The following PAM variants were observed in gnomAD, a reference collection of about 807,000 sequenced individuals.
PAM encodes the protein peptidylglycine alpha-amidating monooxygenase.
A neutral mutation model predicts 122.1 loss-of-function variants in PAM; 72 were observed. The ratio of observed to expected loss-of-function variants is 0.59; its 90% CI spans 0.49 to 0.72. The LOEUF is 0.72. PAM is among the 30% of genes least tolerant of loss of function. The probability of loss-of-function intolerance (pLI) is 0.00; values close to 1 mark genes in which losing one functional copy is unlikely to be tolerated. For synonymous variants in PAM, 389 were observed against 404.4 expected (o/e 0.96, Z 0.46); for missense variants, 1,106 against 1,183.7 (o/e 0.93, Z 0.96).
At position 102,949,606 on chromosome 5, in the gene PAM, C is replaced by G; in HGVS notation, c.713C>G (p.Thr238Ser). The G allele has an allele frequency of 7.0e-7, 1 of 1,428,216 alleles. No homozygotes were observed. Among genetic ancestry groups the G allele is most frequent in the Non-Finnish European group, 9.9e-7 (1 of 1,011,140 alleles). 88.5% of individuals were successfully genotyped at this position (1,428,216 alleles called of 1,614,324 possible). A position where few individuals can be genotyped will look rare whatever the true frequency, so the allele number is the denominator to read the frequency against. The change falls in exon 10 of 26, where the codon ACT (threonine) becomes AGT (serine). Residue 238 changes from threonine (T) to serine (S), a missense_variant. By Grantham distance (58) the Thr-to-Ser change is moderately conservative. Around this residue, in one of 3 missense-constraint regions of PAM, gnomAD observed 670 missense variants for 690.3 expected, o/e 0.97. Transcript: ENST00000438793. Reference protein sequence around the residue: ...PMHVFAYRVHTHHLGKVVSGY... With the variant: ...PMHVFAYRVHSHHLGKVVSGY... ...CATGTCTTTGCCTATAGAGTTCACA[C>G]TCACCATTTAGGTAAGAACTTTACA...
At chr5:102,943,099 T>C (rs1177981679) in intron 7 of PAM, among the ~76,000 whole-genome samples, 1 of 152,104 alleles carries the variant, frequency 6.6e-6, no homozygotes, top group Non-Finnish European at 1.5e-5. Flanking sequence ...TCCCAATTAG[T>C]GGGACGTAGT....
chr5:102,887,813 C>A (rs73175408), intron 3 of PAM, among the ~76,000 whole-genome samples: 6,470 of 151,874 alleles, frequency 0.043, 288 homozygotes, highest in East Asian at 0.18. Context: ...TGTCTTCTTG[C>A]TAAGTTTACT....
chr5:102,914,500 G>C (rs540092037), intron 5 of PAM, among the ~76,000 whole-genome samples: 2 of 152,040 alleles, frequency 1.3e-5, no homozygotes, highest in Non-Finnish European at 2.9e-5. Context: ...TGTAAAGAAA[G>C]TCTGAAAATA....
At chr5:102,959,794 A>G in intron 12 of PAM, 81 bp from the exon 13 acceptor site, 1 of 868,408 alleles carries the variant, frequency 1.2e-6, no homozygotes, top group Non-Finnish European at 1.9e-6. Flanking sequence ...TTGCTGGCAG[A>G]TCTAAGGGCT....
intron 1 of PAM, among the ~76,000 whole-genome samples, chr5:102,783,413 C>T (rs988372684): frequency 6.6e-6 from 1 of 152,156 alleles, no homozygotes; most frequent in Non-Finnish European, 1.5e-5. Context: ...GGTTAAAACT[C>T]ATCTGAGTTG....
At chr5:102,921,281 A>G (rs1747367518) in intron 5 of PAM, among the ~76,000 whole-genome samples, 1 of 152,096 alleles carries the variant, frequency 6.6e-6, no homozygotes, top group African/African-American at 2.4e-5. Flanking sequence ...GGCTCTCTTT[A>G]CTAGTAAGAA....
chr5:102,947,467 T>A (rs996780271), intron 8 of PAM, among the ~76,000 whole-genome samples: 3 of 152,144 alleles, frequency 2.0e-5, no homozygotes, highest in Admixed American at 1.3e-4. Context: ...AAGTGGGAAC[T>A]AAGCTGTGAG....
At chr5:102,800,795 C>T (rs171803) in intron 1 of PAM, among the ~76,000 whole-genome samples, 106,821 of 151,882 alleles carry the variant, frequency 0.7, 37,968 homozygotes, top group South Asian at 0.8. Context: ...TACTCTATCA[C>T]CCTGGGCTTA....
chr5:102,969,952 CG>C (rs1765318676), intron 14 of PAM, among the ~76,000 whole-genome samples: 1 of 151,788 alleles, frequency 6.6e-6, no homozygotes, highest in African/African-American at 2.4e-5. Flanking sequence ...ACATGATGGA[CG>C]GTAAAAAGAG....
chr5:102,917,962 A>G (rs1190249168), intron 5 of PAM, among the ~76,000 whole-genome samples: 1 of 152,186 alleles, frequency 6.6e-6, no homozygotes, highest in Admixed American at 6.6e-5. Flanking sequence ...CTCATTCCAA[A>G]TTAGCAGCTC....
rs558106750 is a variant in PAM, at chr5:102,962,382, A to G, written c.1162+1153A>G. Among the ~76,000 whole-genome samples the G allele has an allele frequency of 4.0e-5, 6 of 151,862 alleles. No individual in the cohort carries two copies. The South Asian group carries it at 1.2e-3, about 31-fold the overall frequency. On this transcript the variant is annotated intron_variant, in intron 14 of 25. Coordinates refer to ENST00000438793, the MANE Select transcript of PAM (RefSeq NM_001177306.2). ...AAGTAAGCCAGTAATAGCAGCCTAA[A>G]TATAGTGGTATTCAGAGTGTTTACT... is the stretch of plus-strand genomic sequence containing the variant.
At chr5:102,959,306 T>C (rs903602103) in intron 12 of PAM, among the ~76,000 whole-genome samples, 1 of 152,072 alleles carries the variant, frequency 6.6e-6, no homozygotes, top group Non-Finnish European at 1.5e-5. Flanking sequence ...AGGGATACAC[T>C]TTGAATGTCT....
At chr5:102,990,124 T>C in intron 15 of PAM, 148 bp from the exon 16 acceptor site, 1 of 467,750 alleles carries the variant, frequency 2.1e-6, no homozygotes, top group East Asian at 3.3e-5. Flanking sequence ...GCATGTGGTA[T>C]AATTTATGTA....
At chr5:102,853,345 G>T (rs1480081665) in intron 1 of PAM, among the ~76,000 whole-genome samples, 1 of 152,052 alleles carries the variant, frequency 6.6e-6, no homozygotes, top group African/African-American at 2.4e-5. Context: ...TATTTTTAGT[G>T]TTAGGAAGAG....
chr5:102,835,842 A>G (rs1353514366), intron 1 of PAM, among the ~76,000 whole-genome samples: 2 of 152,142 alleles, frequency 1.3e-5, no homozygotes, highest in Non-Finnish European at 2.9e-5. Context: ...TTTCAGGGAA[A>G]GGAGGGAGAG....
intron 1 of PAM, among the ~76,000 whole-genome samples, chr5:102,772,384 T>TA (rs1756046096): frequency 6.6e-6 from 1 of 152,078 alleles, no homozygotes; most frequent in Admixed American, 6.6e-5. Context: ...TGTTTGAAAA[T>TA]GGCCTGTTTT....
At chr5:102,980,383 T>C (rs1172134460) in intron 15 of PAM, among the ~76,000 whole-genome samples, 2 of 152,210 alleles carry the variant, frequency 1.3e-5, no homozygotes, top group African/African-American at 4.8e-5. Context: ...TTTTATCATA[T>C]AATTTCTTTA....
At chr5:102,908,328 C>G (rs1179566692) in intron 4 of PAM, among the ~76,000 whole-genome samples, 2 of 151,856 alleles carry the variant, frequency 1.3e-5, no homozygotes, top group African/African-American at 4.8e-5. Flanking sequence ...TTCCATTGAT[C>G]TATATCTCTG....
chr5:102,811,724 A>T (rs1767964634), intron 1 of PAM, among the ~76,000 whole-genome samples: 1 of 152,250 alleles, frequency 6.6e-6, no homozygotes, highest in South Asian at 2.1e-4. Flanking sequence ...GCTGAAAATC[A>T]TAAATTAAAC....
Sources: gnomAD v4.1 joint callset for allele counts (sites outside exome capture counted in the v4.1 genomes callset) on GRCh38, gnomAD v4.1.1 for gene constraint, gnomAD v4.1.1 regional missense constraint, MANE v1.5 for transcripts, NCBI Gene and HGNC (gene_info 2026-07-23, HGNC 2026-07-21) for gene names.